The following STK25 variants were observed in gnomAD, a reference collection of about 807,000 sequenced individuals.
The protein encoded by STK25 is serine/threonine kinase 25, also known as serine/threonine-protein kinase 25.
In STK25, 29 loss-of-function variants were observed where a neutral mutation model predicts 53.8. That is an observed-to-expected ratio of 0.54 (90% CI 0.40 to 0.74). The LOEUF (loss-of-function observed/expected upper bound fraction) is 0.74. STK25 is among the 30% of genes least tolerant of loss of function. The pLI is 0.00. For missense variants in STK25, 420 were observed against 568.0 expected, an observed-to-expected ratio of 0.74 and a Z score of 2.65; for synonymous variants, 247 against 238.3, an observed-to-expected ratio of 1.04 and a Z score of -0.33.
intron 2 of STK25, among the ~76,000 whole-genome samples, chr2:241,502,457 GC>G (rs1457975292): frequency 3.3e-5 from 5 of 152,060 alleles, no homozygotes; most frequent in African/African-American, 1.2e-4. Context: ...AACTCATCAG[GC>G]CAGGCTTGGT....
chr2:241,499,888 C>A, intron 5 of STK25: 1 of 529,758 alleles, frequency 1.9e-6, no homozygotes, highest in South Asian at 1.8e-5. Flanking sequence ...CAATTCTACA[C>A]CTGCTGCTGT....
In STK25 at chr2:241,500,160, C is replaced by T; in HGVS notation, c.427+13G>A. ...CAGGACGTTACAAGAGCCACATCCA[C>T]CCCCAGCAGGACCTTTGATGTCTCG... is the stretch of plus-strand genomic sequence containing the variant. On this transcript the variant is annotated intron_variant, in intron 5 of 11. Coordinates refer to ENST00000316586, the MANE Select transcript of STK25 (RefSeq NM_001271977.2). 1.9e-6 allele frequency: 3 copies of T among 1,609,272 alleles called. No individual in the cohort carries two copies. Among genetic ancestry groups the T allele is most frequent in the Non-Finnish European group, 1.7e-6 (2 of 1,175,720 alleles).
At chr2:241,507,413 A>C (rs1263835566) in intron 2 of STK25, among the ~76,000 whole-genome samples, 2 of 152,232 alleles carry the variant, frequency 1.3e-5, no homozygotes, top group African/African-American at 4.8e-5. Context: ...GATGAGTCTC[A>C]TGTTCGGGCA....
Position 241,501,601 on chromosome 2 carries a change from C to T in STK25, c.138G>A (p.Val46=), listed in dbSNP as rs1399040867. Residue 46 remains valine, a synonymous_variant, in exon 3 of 12, where the codon GTG becomes GTA. Transcript: ENST00000316586. The surrounding 1 kb of genome is among the most constrained non-coding windows in gnomAD (Gnocchi z 5.3). The part of the protein sequence containing the change: ...KGIDNHTKEV[V]AIKIIDLEEA... ...CCTCCAGGTCGATGATCTTGATGGC[C>T]ACCACCTCCTTTGTGTGGTTATCGA... The T allele has an allele frequency of 1.2e-6, 2 of 1,614,038 alleles. No individual in the cohort carries two copies. The highest frequency in any genetic ancestry group is 1.7e-6 in the Non-Finnish European group (2 of 1,180,048).
At position 241,494,242 on chromosome 2, in the gene STK25, T is replaced by A; in HGVS notation, c.*1420A>T. 3.7e-6 allele frequency: 2 copies of A among 546,620 alleles called. No homozygotes were observed. The highest frequency in any genetic ancestry group is 6.1e-6 in the Non-Finnish European group (2 of 328,756). 33.9% of individuals were successfully genotyped at this position (546,620 alleles called of 1,614,324 possible). On this transcript the variant is annotated 3_prime_UTR_variant, in exon 12 of 12. Transcript: ENST00000316586. This position sits in a 1 kb window ranked among gnomAD's most constrained non-coding sequence, Gnocchi z 4.9. ...GGCTGTGGTCTCACTGGATCCCCAC[T>A]GGCACCAGCAGTGTGGGTGGGCCTC... is the stretch of plus-strand genomic sequence containing the variant.
rs764256642 is a variant in STK25 at position 241,493,981 on chromosome 2, T to A, written c.*1681A>T. Reference sequence around the variant, plus strand: ...AGTGTCTGAGCACAAGATGGCTCACTGGTCTGATGGCCGCCCTCTCCTCCA... The same window carrying A: ...AGTGTCTGAGCACAAGATGGCTCACAGGTCTGATGGCCGCCCTCTCCTCCA... On this transcript the variant is annotated 3_prime_UTR_variant, in exon 12 of 12. Coordinates refer to ENST00000316586, the MANE Select transcript of STK25 (RefSeq NM_001271977.2). The A allele has an allele frequency of 7.6e-7, 1 of 1,313,646 alleles. No homozygotes were observed. The highest frequency in any genetic ancestry group is 1.0e-6 in the Non-Finnish European group (1 of 1,001,986). The allele number at this position is 1,313,646 out of a possible 1,614,324, so 81.4% of individuals were successfully genotyped here.
At chr2:241,507,920 G>C (rs1390164463) in intron 2 of STK25, 86 bp downstream of exon 2, 10 of 1,368,978 alleles carry the variant, frequency 7.3e-6, no homozygotes, top group Non-Finnish European at 1.0e-5. Context: ...GCCCGCTCCG[G>C]CGTGGCGCTC....
chr2:241,509,301 G>A (rs568397859), upstream of STK25: 5 of 152,506 alleles, frequency 3.3e-5, no homozygotes, highest in African/African-American at 1.2e-4. Context: ...GACGCGCCCA[G>A]GACAGTGACT....
rs372059573 is a variant in STK25 at position 241,501,744 on chromosome 2, G to A, written c.31-36C>T. ...AGGGCGGGGACAGAGGGCAGACAGC[G>A]CCGGTCACAAGAGGCGGGGGACAGG... On this transcript the variant is annotated intron_variant, in intron 2 of 11. Coordinates refer to ENST00000316586, the MANE Select transcript of STK25 (RefSeq NM_001271977.2). This position sits in a 1 kb window ranked among gnomAD's most constrained non-coding sequence, Gnocchi z 5.3. 194 of 1,553,196 alleles carry A rather than the reference G, an allele frequency of 1.2e-4. No homozygotes were observed. In the Middle Eastern group the frequency reaches 1.5e-3, roughly 12 times the overall value.
At chr2:241,505,240 T>G (rs1296391486) in intron 2 of STK25, among the ~76,000 whole-genome samples, 1 of 152,092 alleles carries the variant, frequency 6.6e-6, no homozygotes, top group East Asian at 1.9e-4. Flanking sequence ...CCTCCCTGTT[T>G]GCTCAGCCCA....
chr2:241,508,861 C>T (rs1171789437), upstream of STK25, among the ~76,000 whole-genome samples: 2 of 152,178 alleles, frequency 1.3e-5, no homozygotes, highest in East Asian at 3.9e-4. Context: ...CCCTCCCTGC[C>T]TCGCCCTCGC....
chr2:241,495,850 A>G, intron 11 of STK25, 149 bp from the exon 12 acceptor site: 1 of 781,336 alleles, frequency 1.3e-6, no homozygotes, highest in Non-Finnish European at 2.1e-6. Flanking sequence ...GGGTCTCAGG[A>G]GCAGCAATGA....
intron 4 of STK25, 49 bp downstream of exon 4, chr2:241,500,691 G>C: frequency 6.3e-7 from 1 of 1,590,838 alleles, no homozygotes; most frequent in Non-Finnish European, 8.6e-7. Flanking sequence ...CTGAGGGGCA[G>C]GGGACTCGGA....
Position 241,501,589 on chromosome 2 carries a change from G to T in STK25, c.150C>A (p.Ile50=). 6.2e-7 allele frequency: 1 copy of T among 1,614,152 alleles called. No individual in the cohort carries two copies. Among genetic ancestry groups the T allele is most frequent in the Non-Finnish European group, 8.5e-7 (1 of 1,180,028 alleles). The change falls in exon 3 of 12, where the codon ATC becomes ATA. Residue 50 remains isoleucine, a synonymous_variant. Coordinates refer to ENST00000316586, the MANE Select transcript of STK25 (RefSeq NM_001271977.2). This position sits in a 1 kb window ranked among gnomAD's most constrained non-coding sequence, Gnocchi z 5.3. ...NHTKEVVAIK[I]IDLEEAEDEI... is the part of the protein sequence containing the mutation. ...CATCCTCGGCCTCCTCCAGGTCGATGATCTTGATGGCCACCACCTCCTTTG... is the reference window on the plus strand; with the variant it reads ...CATCCTCGGCCTCCTCCAGGTCGATTATCTTGATGGCCACCACCTCCTTTG...
intron 5 of STK25, 46 bp downstream of exon 5, chr2:241,500,127 G>T (rs768850199): frequency 1.4e-5 from 21 of 1,537,206 alleles, no homozygotes; most frequent in Middle Eastern, 3.4e-4. Context: ...TCTAAGGTCA[G>T]TGGGGCTCAG....
At position 241,499,428 on chromosome 2, in the gene STK25, G is replaced by A; in HGVS notation, c.428-14C>T. 1 of 1,611,802 alleles carries A rather than the reference G, an allele frequency of 6.2e-7. No homozygotes were observed. Among genetic ancestry groups the A allele is most frequent in the Non-Finnish European group, 8.5e-7 (1 of 1,178,868 alleles). ...GCACGTTGGCAGCTGCTTGACACAG[G>A]ACAGGCAGGCGTCATCCCAGGCTCC... On this transcript the variant is annotated splice_polypyrimidine_tract_variant and intron_variant, in intron 5 of 11. Coordinates refer to ENST00000316586, the MANE Select transcript of STK25 (RefSeq NM_001271977.2).
upstream of STK25, chr2:241,508,598 C>T: frequency 5.1e-6 from 5 of 987,944 alleles, no homozygotes; most frequent in Non-Finnish European, 4.8e-6. Flanking sequence ...GAGGCGACGG[C>T]GAGGGCGGTG....
intron 9 of STK25, 27 bp from the exon 10 acceptor site, chr2:241,497,714 A>AGCAGGGCAGTGCAGGTGACAG (rs1303610951): frequency 6.2e-7 from 1 of 1,610,722 alleles, no homozygotes; most frequent in Admixed American, 1.7e-5. Flanking sequence ...GCCCAGGGTG[A>AGCAGGGCAGTGCAGGTGACAG]GCAGGGCAGT....
chr2:241,498,947 C>T (rs2065344679), intron 7 of STK25, 42 bp downstream of exon 7: 1 of 1,612,648 alleles, frequency 6.2e-7, no homozygotes, highest in African/African-American at 1.3e-5. Flanking sequence ...GCCCTCCCTC[C>T]ACGTCCTGTC....
Sources: gnomAD v4.1 joint callset for allele counts (sites outside exome capture counted in the v4.1 genomes callset) on GRCh38, gnomAD v4.1.1 for gene constraint, Gnocchi (gnomAD v3.1) non-coding constraint, MANE v1.5 for transcripts, NCBI Gene and HGNC (gene_info 2026-07-23, HGNC 2026-07-21) for gene names.